Variants in MGAT4C observed in about 807,000 individuals in gnomAD.
MGAT4C encodes MGAT4 family member C.
In MGAT4C, 19 loss-of-function variants were observed where a neutral mutation model predicts 40.1. That is an observed-to-expected ratio of 0.47 (90% confidence interval 0.33 to 0.70). The LOEUF (loss-of-function observed/expected upper bound fraction) is 0.70. Among genes scored for constraint, MGAT4C ranks in the 30% least tolerant of loss-of-function variants. The pLI, the probability that MGAT4C is intolerant of heterozygous loss-of-function variation, is 0.02. For synonymous variants in MGAT4C, 181 were observed against 187.1 expected, an observed-to-expected ratio of 0.97 and a Z score of 0.27; for missense variants, 491 against 563.2, an observed-to-expected ratio of 0.87 and a Z score of 1.30.
intron 2 of MGAT4C, among the ~76,000 whole-genome samples, chr12:86,683,445 A>G (rs1443542537): frequency 6.6e-6 from 1 of 152,054 alleles, no homozygotes; most frequent in Non-Finnish European, 1.5e-5. Context: ...TTTAAATTTT[A>G]TTGTCTATCC....
At chr12:86,815,513 A>G (rs947576993) in intron 1 of MGAT4C, among the ~76,000 whole-genome samples, 1 of 143,420 alleles carries the variant, frequency 7.0e-6, no homozygotes, top group Non-Finnish European at 1.6e-5. Flanking sequence ...CCAGAAGAAA[A>G]TAAGTCATTA....
intron 2 of MGAT4C, among the ~76,000 whole-genome samples, chr12:86,436,060 A>T (rs1028581512): frequency 6.6e-6 from 1 of 151,882 alleles, no homozygotes; most frequent in African/African-American, 2.4e-5. Context: ...TTGATCTTAC[A>T]ACTATATGAT....
At chr12:86,435,900 A>T (rs1565761067) in intron 2 of MGAT4C, among the ~76,000 whole-genome samples, 1 of 151,898 alleles carries the variant, frequency 6.6e-6, no homozygotes, top group South Asian at 2.1e-4. Context: ...GAAATTTTTA[A>T]ACATTCAATA....
chr12:86,151,518 C>A (rs1035996634), intron 1 of MGAT4C, among the ~76,000 whole-genome samples: 4 of 151,930 alleles, frequency 2.6e-5, no homozygotes, highest in African/African-American at 7.3e-5. Flanking sequence ...GAGGCTGAGG[C>A]AGGAGAACGG....
chr12:86,321,491 T>C (rs1954386024), intron 4 of MGAT4C, among the ~76,000 whole-genome samples: 1 of 152,342 alleles, frequency 6.6e-6, no homozygotes, highest in African/African-American at 2.4e-5. Context: ...TTGGGATTTA[T>C]TTATTGTTTT....
chr12:86,340,551 A>C (rs1954886258), intron 3 of MGAT4C, among the ~76,000 whole-genome samples: 1 of 152,140 alleles, frequency 6.6e-6, no homozygotes, highest in Admixed American at 6.5e-5. Flanking sequence ...CAGAAAGATA[A>C]AATTGTAGAA....
intron 1 of MGAT4C, among the ~76,000 whole-genome samples, chr12:86,731,431 C>G (rs1950905564): frequency 6.6e-6 from 1 of 152,110 alleles, no homozygotes; most frequent in East Asian, 1.9e-4. Flanking sequence ...TCCAGGGACA[C>G]TGACCTAAAA....
intron 3 of MGAT4C, among the ~76,000 whole-genome samples, chr12:86,382,479 G>A (rs1314087997): frequency 1.3e-5 from 2 of 152,314 alleles, no homozygotes; most frequent in Middle Eastern, 3.4e-3. Context: ...CAATGCAATA[G>A]AAAAGAAAAT....
chr12:86,429,861 G>A (rs971683622), intron 3 of MGAT4C, among the ~76,000 whole-genome samples: 2 of 152,074 alleles, frequency 1.3e-5, no homozygotes, highest in Non-Finnish European at 2.9e-5. Flanking sequence ...CTTTAAATAC[G>A]TTTTCTGGCC....
intron 2 of MGAT4C, among the ~76,000 whole-genome samples, chr12:86,465,438 C>T (rs112082968): frequency 7.9e-5 from 12 of 151,818 alleles, no homozygotes; most frequent in African/African-American, 2.4e-4. Flanking sequence ...AATGAAATGA[C>T]GAACCACAGA....
At chr12:86,412,416 G>A (rs964481336) in intron 3 of MGAT4C, among the ~76,000 whole-genome samples, 4 of 152,182 alleles carry the variant, frequency 2.6e-5, no homozygotes, top group African/African-American at 9.7e-5. Context: ...GGTTCAGTGT[G>A]GCCTGGATGT....
intron 3 of MGAT4C, among the ~76,000 whole-genome samples, chr12:86,383,549 C>CAA (rs1159593477): frequency 0.038 from 1,901 of 49,674 alleles, 295 homozygotes; most frequent in Middle Eastern, 0.056. Flanking sequence ...CACTTCGTCT[C>CAA]AAAAAAAAAA....
intron 2 of MGAT4C, among the ~76,000 whole-genome samples, chr12:86,719,205 T>C (rs1264922974): frequency 6.6e-6 from 1 of 152,138 alleles, no homozygotes. Context: ...ACGTGCAAAA[T>C]ACACTCACTC....
In MGAT4C at chr12:86,010,739, C is replaced by T. The variant is rs553166236; in HGVS notation, c.-6-21187G>A. ...AAAACCCATGTTGAAAGATAATCCCCAGTGTAACAGTATTAAAAGGTGAGG... is the reference window on the plus strand; with the variant it reads ...AAAACCCATGTTGAAAGATAATCCCTAGTGTAACAGTATTAAAAGGTGAGG... On this transcript the variant is annotated intron_variant, in intron 2 of 4. Transcript: ENST00000611864. Among the ~76,000 whole-genome samples the T allele has an allele frequency of 2.4e-4, 37 of 152,218 alleles. 1 individual carries two copies. Among genetic ancestry groups the T allele is most frequent in the African/African-American group, 8.9e-4 (37 of 41,528 alleles).
chr12:86,016,288 C>T (rs1268065426), intron 2 of MGAT4C: 3 of 152,180 alleles, frequency 2.0e-5, no homozygotes, highest in African/African-American at 7.2e-5. Flanking sequence ...TGACCTATCC[C>T]AGTGAAATTT....
intron 1 of MGAT4C, among the ~76,000 whole-genome samples, chr12:86,205,349 T>A (rs1314150759): frequency 6.6e-6 from 1 of 151,590 alleles, no homozygotes; most frequent in Non-Finnish European, 1.5e-5. Flanking sequence ...AATTATTTAT[T>A]TTTTCAGTGA....
chr12:86,371,117 T>A (rs1955706679), intron 3 of MGAT4C, among the ~76,000 whole-genome samples: 3 of 152,058 alleles, frequency 2.0e-5, no homozygotes, highest in Admixed American at 2.0e-4. Context: ...TAGTATTATT[T>A]ATTGCTCCAG....
At chr12:86,429,245 T>C (rs1341643450) in intron 3 of MGAT4C, among the ~76,000 whole-genome samples, 2 of 152,192 alleles carry the variant, frequency 1.3e-5, no homozygotes, top group Non-Finnish European at 2.9e-5. Flanking sequence ...TCATGTTGCT[T>C]AATTTCCATA....
chr12:86,183,037 A>C (rs1407054594), intron 1 of MGAT4C, among the ~76,000 whole-genome samples: 1 of 152,032 alleles, frequency 6.6e-6, no homozygotes, highest in Admixed American at 6.6e-5. Flanking sequence ...AAAAAACTGT[A>C]CTCTTAAGCA....
Sources: gnomAD v4.1 joint callset for allele counts (sites outside exome capture counted in the v4.1 genomes callset) on GRCh38, gnomAD v4.1.1 for gene constraint, MANE v1.5 for transcripts, NCBI Gene and HGNC (gene_info 2026-07-23, HGNC 2026-07-21) for gene names.